KBTBD11: variants seen among roughly 807,000 people sequenced by gnomAD.
KBTBD11 encodes the protein kelch repeat and BTB domain-containing protein 11.
For missense variants in KBTBD11, 1,390 were observed against 1,001.8 expected (o/e 1.39, Z -5.23); for synonymous variants, 747 against 499.0 (o/e 1.50, Z -6.63).
chr8:2,003,128 C>T lies in KBTBD11; in HGVS notation c.*64C>T, dbSNP rs1184830380. ...TGCGGGGCCCAGGTCCCTTTGGGCC[C>T]GCGGAGGAGGACGTGGTGGGGAGTC... is the stretch of plus-strand genomic sequence containing the variant. On this transcript the variant is annotated 3_prime_UTR_variant, in exon 2 of 2. Coordinates refer to ENST00000320248, the MANE Select transcript of KBTBD11 (RefSeq NM_014867.3). The T allele has an allele frequency of 4.0e-6, 5 of 1,250,058 alleles. No homozygotes were observed. The highest frequency in any genetic ancestry group is 3.0e-6 in the Non-Finnish European group (3 of 990,284). The allele number at this position is 1,250,058 out of a possible 1,614,324, so 77.4% of individuals were successfully genotyped here.
At position 2,001,303 on chromosome 8, in the gene KBTBD11, C is replaced by G; in HGVS notation, c.111C>G (p.Leu37=). 6.6e-7 allele frequency: 1 copy of G among 1,524,738 alleles called. No homozygotes were observed. Among genetic ancestry groups the G allele is most frequent in the South Asian group, 1.2e-5 (1 of 81,916 alleles). The allele number at this position is 1,524,738 out of a possible 1,614,324, so 94.5% of individuals were successfully genotyped here. ...CCCCGGCGCAGACACCCTGCAGTCTCGGCGCGTCCCTGTGCTTCAGCTCCG... is the reference window on the plus strand; with the variant it reads ...CCCCGGCGCAGACACCCTGCAGTCTGGGCGCGTCCCTGTGCTTCAGCTCCG... The part of the protein sequence containing the change: ...AASPAQTPCS[L]GASLCFSSGE... The change falls in exon 2 of 2, where the codon CTC becomes CTG. Residue 37 remains leucine, a synonymous_variant. Transcript: ENST00000320248.
chr8:2,005,401 C>A lies in KBTBD11; in HGVS notation c.*2337C>A, dbSNP rs1043225. The A allele has an allele frequency of 0.8, 132,907 of 167,110 alleles. 53,099 individuals carry two copies. Among genetic ancestry groups the A allele is most frequent in the East Asian group, 1 (5,172 of 5,192 alleles). 10.4% of individuals were successfully genotyped at this position (167,110 alleles called of 1,614,324 possible). A position where few individuals can be genotyped will look rare whatever the true frequency, so the allele number is the denominator to read the frequency against. ...AAAATACATACTAGAGGACCTGCCA[C>A]GCCATGAGCAGTGTTTTTGCTTTTT... On this transcript the variant is annotated 3_prime_UTR_variant, in exon 2 of 2. Transcript: ENST00000320248.
At chr8:1,992,838 T>C (rs1283406954) in intron 1 of KBTBD11, among the ~76,000 whole-genome samples, 4 of 152,162 alleles carry the variant, frequency 2.6e-5, no homozygotes, top group African/African-American at 9.7e-5. Context: ...TTTATTTTTT[T>C]TTTTCAAAAC....
chr8:2,000,941 G>T lies in KBTBD11; in HGVS notation c.-252G>T. ...TCTGGGCAGATTTAAAGTGGCTGGG[G>T]TTCAGAAGTTCAGCAAGTCGGACAC... On this transcript the variant is annotated 5_prime_UTR_variant, in exon 2 of 2. Coordinates refer to ENST00000320248, the MANE Select transcript of KBTBD11 (RefSeq NM_014867.3). 2.5e-6 allele frequency: 1 copy of T among 406,076 alleles called. No homozygotes were observed. The highest frequency in any genetic ancestry group is 3.6e-5 in the East Asian group (1 of 27,494). The allele number at this position is 406,076 out of a possible 1,614,324, so 25.2% of individuals were successfully genotyped here. A position where few individuals can be genotyped will look rare whatever the true frequency, so the allele number is the denominator to read the frequency against.
intron 1 of KBTBD11, among the ~76,000 whole-genome samples, chr8:1,992,910 G>A (rs1021061747): frequency 6.6e-6 from 1 of 151,180 alleles, no homozygotes; most frequent in East Asian, 1.9e-4. Context: ...GCCATTCTTT[G>A]TGTAGTTTAA....
At chr8:1,983,364 C>G (rs1201877279) in intron 1 of KBTBD11, among the ~76,000 whole-genome samples, 1 of 152,224 alleles carries the variant, frequency 6.6e-6, no homozygotes, top group African/African-American at 2.4e-5. Flanking sequence ...AGTCACGATG[C>G]TCCTTTTCCT....
At chr8:1,974,946 G>C (rs562342113) in intron 1 of KBTBD11, 1 of 155,412 alleles carries the variant, frequency 6.4e-6, no homozygotes, top group South Asian at 2.0e-4. Context: ...TGAGTGAGAA[G>C]TTCGCCCGAT....
rs150343322 is a variant in KBTBD11 at position 1,979,841 on chromosome 8, C to T, written c.-909+5906C>T. On this transcript the variant is annotated intron_variant, in intron 1 of 1. Transcript: ENST00000320248. Reference sequence around the variant, plus strand: ...TCGGGACAGGGCTCGGGCCTCATCCCGCGTGGCTTCCACACTCCTGGCTGC... The same window carrying T: ...TCGGGACAGGGCTCGGGCCTCATCCTGCGTGGCTTCCACACTCCTGGCTGC... 9.1e-4 allele frequency among the ~76,000 whole-genome samples: 139 copies of T among 152,348 alleles called. 1 individual carries two copies. The highest frequency in any genetic ancestry group is 1.7e-3 in the Non-Finnish European group (113 of 68,036).
Position 2,003,051 on chromosome 8 carries a change from A to AGGGCGCCCCGTAGGCCGGCGGGGTC in KBTBD11, c.1862_*14dup. ...CCTGAGAAGCCGCCCCGAGGGGAGC[A>AGGGCGCCCCGTAGGCCGGCGGGGTC]GGGCGCCCCGTAGGCCGGCGGGGTC... On this transcript the variant is annotated stop_gained and frameshift_variant, in exon 2 of 2. Transcript: ENST00000320248. LOFTEE classifies it high-confidence loss of function. The AGGGCGCCCCGTAGGCCGGCGGGGTC allele has an allele frequency of 7.9e-7, 1 of 1,266,354 alleles. No individual in the cohort carries two copies. The highest frequency in any genetic ancestry group is 1.5e-5 in the African/African-American group (1 of 64,572). The allele number at this position is 1,266,354 out of a possible 1,614,324, so 78.4% of individuals were successfully genotyped here. A position where few individuals can be genotyped will look rare whatever the true frequency, so the allele number is the denominator to read the frequency against.
intron 1 of KBTBD11, among the ~76,000 whole-genome samples, chr8:1,979,059 T>C (rs995624824): frequency 6.6e-6 from 1 of 151,950 alleles, no homozygotes; most frequent in African/African-American, 2.4e-5. Context: ...ACTGGGTACA[T>C]GTGTGTGCAT....
chr8:1,986,272 T>G (rs757614039), intron 1 of KBTBD11, among the ~76,000 whole-genome samples: 7 of 152,194 alleles, frequency 4.6e-5, no homozygotes, highest in Non-Finnish European at 1.5e-5. Flanking sequence ...ATCCTACTTT[T>G]GAGAATCCTG....
intron 1 of KBTBD11, chr8:1,974,334 C>T (rs1052454493): frequency 1.0e-6 from 1 of 984,564 alleles, no homozygotes; most frequent in Non-Finnish European, 1.2e-6. Flanking sequence ...CCGCAGTCAC[C>T]GCCCCCGCCG....
rs186717008 is a variant in KBTBD11, at chr8:1,983,253, G to C, written c.-909+9318G>C. On this transcript the variant is annotated intron_variant, in intron 1 of 1. Coordinates refer to ENST00000320248, the MANE Select transcript of KBTBD11 (RefSeq NM_014867.3). ...ATCCTGCCGCCTCTGCTGCCACCCT[G>C]TGTGCACCCCCATGCTCCAAAAAGG... Among the ~76,000 whole-genome samples, 133 of 152,272 alleles carry C rather than the reference G, an allele frequency of 8.7e-4. 1 individual carries two copies. Among genetic ancestry groups the C allele is most frequent in the Admixed American group, 1.8e-3 (28 of 15,290 alleles).
intron 1 of KBTBD11, among the ~76,000 whole-genome samples, chr8:1,994,269 A>T (rs1015361702): frequency 1.3e-5 from 2 of 151,358 alleles, no homozygotes; most frequent in African/African-American, 4.9e-5. Context: ...CTGCCCCAGG[A>T]TCCCAGTGCT....
chr8:1,991,354 G>A (rs915680761), intron 1 of KBTBD11, among the ~76,000 whole-genome samples: 10 of 152,212 alleles, frequency 6.6e-5, no homozygotes, highest in Non-Finnish European at 1.2e-4. Context: ...GGGAATCCCC[G>A]CACGCTAGCC....
In KBTBD11 at chr8:2,003,548, C is replaced by A. The variant is rs911354753; in HGVS notation, c.*484C>A. 1.2e-5 allele frequency: 2 copies of A among 167,946 alleles called. No individual in the cohort carries two copies. Among genetic ancestry groups the A allele is most frequent in the East Asian group, 3.8e-4 (2 of 5,226 alleles). The allele number at this position is 167,946 out of a possible 1,614,324, so 10.4% of individuals were successfully genotyped here. ...TTATAACTGATAAGTAAAGCTCTTT[C>A]TGATTTAGTTGAAAATTTCGTACCA... On this transcript the variant is annotated 3_prime_UTR_variant, in exon 2 of 2. Transcript: ENST00000320248.
Position 1,973,846 on chromosome 8 carries a change from G to A in KBTBD11, c.-998G>A, listed in dbSNP as rs1353163217. ...GAGAGGCCGGGCCGCGGCTCCCACA[G>A]GTGCCGGGAAGCGGCCGCGCGCATG... On this transcript the variant is annotated 5_prime_UTR_variant, in exon 1 of 2. Transcript: ENST00000320248. 1 of 982,972 alleles carries A rather than the reference G, an allele frequency of 1.0e-6. No homozygotes were observed. Among genetic ancestry groups the A allele is most frequent in the Non-Finnish European group, 1.2e-6 (1 of 829,070 alleles). The allele number at this position is 982,972 out of a possible 1,614,324, so 60.9% of individuals were successfully genotyped here.
chr8:1,997,491 G>T (rs747085841), intron 1 of KBTBD11, among the ~76,000 whole-genome samples: 3 of 152,186 alleles, frequency 2.0e-5, no homozygotes, highest in Non-Finnish European at 4.4e-5. Context: ...TTCCCACATG[G>T]TGTGTGACAC....
chr8:1,993,528 TCCACCCACCCACCCACCCAC>T (rs139108361), intron 1 of KBTBD11, among the ~76,000 whole-genome samples: 5 of 41,860 alleles, frequency 1.2e-4, no homozygotes, highest in African/African-American at 3.3e-4. Flanking sequence ...CACCCATCCA[TCCACCCACCCACCCACCCAC>T]CCACCCACCC....
Sources: gnomAD v4.1 joint callset for allele counts (sites outside exome capture counted in the v4.1 genomes callset) on GRCh38, gnomAD v4.1.1 for gene constraint, MANE v1.5 for transcripts, NCBI Gene and HGNC (gene_info 2026-07-23, HGNC 2026-07-21) for gene names.